MCF2L: variants seen among roughly 807,000 people sequenced by gnomAD.
MCF2L encodes MCF.2 cell line derived transforming sequence like.
MCF2L carries 97 observed loss-of-function variants against 153.4 expected under a neutral mutation model. That is an observed-to-expected ratio of 0.63 (90% CI 0.54 to 0.75). MCF2L has a LOEUF of 0.75. Among genes scored for constraint, MCF2L ranks in the 30% least tolerant of loss-of-function variants. MCF2L has a pLI of 0.00. For missense variants in MCF2L, 1,347 were observed against 1,495.2 expected (o/e 0.90, Z 1.64); for synonymous variants, 659 against 632.2 (o/e 1.04, Z -0.64).
At position 113,087,150 on chromosome 13, in the gene MCF2L, A is replaced by C. The variant is rs550082779; in HGVS notation, c.2374-85A>C. 617 of 1,206,326 alleles carry C rather than the reference A, an allele frequency of 5.1e-4. 5 individuals carry two copies. In the East Asian group the frequency reaches 0.013, roughly 25 times the overall value. 74.7% of individuals were successfully genotyped at this position (1,206,326 alleles called of 1,614,324 possible). ...GAATCCCACCGTGGGTGGGCTTTGCAGAGTGGCTGCTTTCACTCAGCGATG... is the reference window on the plus strand; with the variant it reads ...GAATCCCACCGTGGGTGGGCTTTGCCGAGTGGCTGCTTTCACTCAGCGATG... On this transcript the variant is annotated intron_variant, in intron 21 of 29. Transcript: ENST00000535094.
intron 1 of MCF2L, among the ~76,000 whole-genome samples, chr13:112,901,913 T>G (rs1345975249): frequency 6.6e-6 from 1 of 152,228 alleles, no homozygotes; most frequent in Non-Finnish European, 1.5e-5. Context: ...AAACCTCGGT[T>G]GTTGTTGTTT....
chr13:113,020,656 C>T (rs1278575892), intron 2 of MCF2L, among the ~76,000 whole-genome samples: 4 of 152,334 alleles, frequency 2.6e-5, no homozygotes, highest in Admixed American at 6.5e-5. Flanking sequence ...GGGAGCCCCA[C>T]TCCCACGGCC....
At position 112,941,981 on chromosome 13, in the gene MCF2L, C is replaced by T. The variant is rs866805218; in HGVS notation, c.169+39610C>T. Reference sequence around the variant, plus strand: ...TAACGCCAGCATCTGGGAAGACGCCCGTTGCCAAGCGGACCATGGTCTAGC... The same window carrying T: ...TAACGCCAGCATCTGGGAAGACGCCTGTTGCCAAGCGGACCATGGTCTAGC... On this transcript the variant is annotated intron_variant, in intron 2 of 29. Coordinates refer to the MCF2L transcript ENST00000375608. The surrounding 1 kb of genome is among the most constrained non-coding windows in gnomAD (Gnocchi z 4.9). Among the ~76,000 whole-genome samples the T allele has an allele frequency of 2.6e-5, 4 of 152,182 alleles. No homozygotes were observed. Among genetic ancestry groups the T allele is most frequent in the South Asian group, 2.1e-4 (1 of 4,830 alleles).
At chr13:113,013,889 G>T (rs1438383817) in intron 1 of MCF2L, among the ~76,000 whole-genome samples, 1 of 152,206 alleles carries the variant, frequency 6.6e-6, no homozygotes, top group African/African-American at 2.4e-5. Context: ...TTTCCCTGGA[G>T]GGTCTTGCTG....
chr13:113,046,363 G>T lies in MCF2L; in HGVS notation c.369+1002G>T. 1 of 358,214 alleles carries T rather than the reference G, an allele frequency of 2.8e-6. No homozygotes were observed. Among genetic ancestry groups the T allele is most frequent in the Non-Finnish European group, 5.4e-6 (1 of 183,806 alleles). The allele number at this position is 358,214 out of a possible 1,614,324, so 22.2% of individuals were successfully genotyped here. A position where few individuals can be genotyped will look rare whatever the true frequency, so the allele number is the denominator to read the frequency against. ...TCCCTCCCAGGCTCTGGGACCCTGG[G>T]TCCTCAGCTGTGATGGCACAATTGC... On this transcript the variant is annotated intron_variant, in intron 4 of 29. Coordinates refer to ENST00000535094, the MANE Select transcript of MCF2L (RefSeq NM_001112732.3). The surrounding 1 kb of genome is among the most constrained non-coding windows in gnomAD (Gnocchi z 4.4).
intron 4 of MCF2L, among the ~76,000 whole-genome samples, chr13:113,059,581 G>A (rs1016563980): frequency 2.0e-5 from 3 of 152,198 alleles, no homozygotes; most frequent in Admixed American, 6.5e-5. Flanking sequence ...ACTTGGTGTC[G>A]AGAGCAACCA....
upstream of MCF2L, chr13:112,968,457 T>C (rs2081934913): frequency 1.3e-6 from 2 of 1,587,656 alleles, no homozygotes; most frequent in Non-Finnish European, 1.7e-6. Context: ...TGTGGCTTGG[T>C]GCCAACCATG....
chr13:112,980,375 TG>T (rs1351041069), intron 1 of MCF2L, among the ~76,000 whole-genome samples: 1 of 152,256 alleles, frequency 6.6e-6, no homozygotes, highest in Non-Finnish European at 1.5e-5. Context: ...TCTGGCGACC[TG>T]GAACCACGGT....
At chr13:113,021,131 T>C (rs1357862226) in intron 2 of MCF2L, among the ~76,000 whole-genome samples, 3 of 152,178 alleles carry the variant, frequency 2.0e-5, no homozygotes, top group Non-Finnish European at 4.4e-5. Context: ...TGCATATGTG[T>C]GCAGCTGTGT....
At chr13:112,998,010 G>A (rs1326864249) in intron 1 of MCF2L, among the ~76,000 whole-genome samples, 1 of 152,216 alleles carries the variant, frequency 6.6e-6, no homozygotes, top group Non-Finnish European at 1.5e-5. Flanking sequence ...CCCTGCGTGA[G>A]CCCATGTGTG....
At position 113,081,266 on chromosome 13, in the gene MCF2L, T is replaced by G. The variant is rs1389410391; in HGVS notation, c.1862T>G (p.Leu621Arg). ...GAACGGGCCTACGTGGAGGAGCTGC[T>G]GTGCGTCCTGGAGGTGAGGCTGGAC... Reference protein sequence around the residue: ...DTERAYVEELLCVLEGYAAEM... With the variant: ...DTERAYVEELRCVLEGYAAEM... The change falls in exon 16 of 30, where the codon CTG (leucine) becomes CGG (arginine). Residue 621 changes from leucine to arginine, a missense_variant. By Grantham distance (102) the Leu-to-Arg change is moderately radical. Coordinates refer to ENST00000535094, the MANE Select transcript of MCF2L (RefSeq NM_001112732.3). 3 of 1,588,760 alleles carry G rather than the reference T, an allele frequency of 1.9e-6. No homozygotes were observed. The African/African-American group carries it at 4.0e-5, about 21-fold the overall frequency.
intron 2 of MCF2L, among the ~76,000 whole-genome samples, chr13:112,942,600 C>T (rs541665560): frequency 1.3e-5 from 2 of 152,340 alleles, no homozygotes; most frequent in South Asian, 4.1e-4. Context: ...CCCTGTGGGG[C>T]TGGACCCTAC....
chr13:113,061,051 G>A (rs1023203399), intron 5 of MCF2L, among the ~76,000 whole-genome samples: 5 of 152,240 alleles, frequency 3.3e-5, no homozygotes, highest in Admixed American at 6.5e-5. Flanking sequence ...CTGAGAGTCC[G>A]CCTGGCCCAC....
chr13:113,029,002 T>A (rs1447831368), intron 3 of MCF2L, among the ~76,000 whole-genome samples: 1 of 152,014 alleles, frequency 6.6e-6, no homozygotes, highest in Admixed American at 6.6e-5. Context: ...GGGGGGTGTG[T>A]GTGAGCGTGA....
intron 2 of MCF2L, among the ~76,000 whole-genome samples, chr13:112,936,108 C>T (rs967268182): frequency 3.3e-5 from 5 of 151,940 alleles, no homozygotes; most frequent in African/African-American, 4.8e-5. Flanking sequence ...AGTGAAACCC[C>T]GTCTCTACTA....
At chr13:112,954,601 G>A (rs2081734906) in intron 2 of MCF2L, among the ~76,000 whole-genome samples, 1 of 152,182 alleles carries the variant, frequency 6.6e-6, no homozygotes, top group Non-Finnish European at 1.5e-5. Context: ...GGCCCTCAGT[G>A]GGCTCTTCCC....
chr13:112,935,740 A>G (rs2081508345), intron 2 of MCF2L, among the ~76,000 whole-genome samples: 1 of 152,208 alleles, frequency 6.6e-6, no homozygotes. Flanking sequence ...ACATAACCCC[A>G]TCATACATTG....
intron 15 of MCF2L, among the ~76,000 whole-genome samples, chr13:113,080,279 A>G (rs1363040491): frequency 1.3e-5 from 2 of 152,126 alleles, no homozygotes; most frequent in African/African-American, 4.8e-5. Flanking sequence ...AGGAGGGTCC[A>G]GGCAGAGGAG....
chr13:113,014,726 C>T (rs756624329), intron 1 of MCF2L, 37 bp from the exon 2 acceptor site: 15 of 1,591,574 alleles, frequency 9.4e-6, no homozygotes, highest in Middle Eastern at 1.7e-4. Flanking sequence ...AGGCAGCTTC[C>T]TGGGACTGAC....
Sources: gnomAD v4.1 joint callset for allele counts (sites outside exome capture counted in the v4.1 genomes callset) on GRCh38, gnomAD v4.1.1 for gene constraint, Gnocchi (gnomAD v3.1) non-coding constraint, MANE v1.5 for transcripts, NCBI Gene and HGNC (gene_info 2026-07-23, HGNC 2026-07-21) for gene names.